NRXN3: variants seen among roughly 807,000 people sequenced by gnomAD.
The protein encoded by NRXN3 is neurexin III.
Under a neutral mutation model 137.6 loss-of-function variants are expected in NRXN3, and 32 were observed. That is an observed-to-expected ratio of 0.23 (90% confidence interval 0.18 to 0.31). The LOEUF (loss-of-function observed/expected upper bound fraction) is 0.31. Ranked by LOEUF, NRXN3 falls within the 10% of genes least tolerant of loss-of-function variation. The pLI is 1.00. For missense variants in NRXN3, 1,574 were observed against 2,062.5 expected (o/e 0.76, Z 4.59); for synonymous variants, 798 against 784.5 (o/e 1.02, Z -0.29).
rs528732601 is a variant in NRXN3 at position 79,062,694 on chromosome 14, T to C, written c.3262+74553T>C. 2.0e-5 allele frequency among the ~76,000 whole-genome samples: 3 copies of C among 152,366 alleles called. No homozygotes were observed. In the South Asian group the frequency reaches 6.2e-4, roughly 32 times the overall value. ...ACCTTCCTCCCTTTCCTATTAATTA[T>C]TCATACTTCTCCTACCAAGAGAGGG... On this transcript the variant is annotated intron_variant, in intron 15 of 20. Transcript: ENST00000335750.
At chr14:79,588,249 A>G (rs928418420) in intron 16 of NRXN3, among the ~76,000 whole-genome samples, 9 of 152,174 alleles carry the variant, frequency 5.9e-5, no homozygotes, top group African/African-American at 1.9e-4. Flanking sequence ...CCTGTGGTCT[A>G]TCTGACTACC....
intron 4 of NRXN3, among the ~76,000 whole-genome samples, chr14:78,390,123 C>T (rs925313166): frequency 3.3e-5 from 5 of 152,092 alleles, no homozygotes; most frequent in Admixed American, 1.3e-4. Flanking sequence ...AGATTAACAC[C>T]GGGTACGGCA....
At chr14:79,660,926 A>G (rs1241460530) in intron 16 of NRXN3, among the ~76,000 whole-genome samples, 1 of 152,136 alleles carries the variant, frequency 6.6e-6, no homozygotes, top group Non-Finnish European at 1.5e-5. Context: ...TCACATTATT[A>G]CAGCCTAGCT....
At chr14:79,702,479 T>C (rs926273434) in intron 19 of NRXN3, among the ~76,000 whole-genome samples, 3 of 151,980 alleles carry the variant, frequency 2.0e-5, no homozygotes, top group Non-Finnish European at 4.4e-5. Flanking sequence ...AGAGCACAAT[T>C]GGACAGGTGG....
intron 16 of NRXN3, among the ~76,000 whole-genome samples, chr14:79,621,071 G>T (rs1384712267): frequency 2.0e-5 from 3 of 152,038 alleles, no homozygotes; most frequent in Non-Finnish European, 2.9e-5. Context: ...AAATACTACA[G>T]GTAAACTAGT....
chr14:79,860,686 G>A (rs1430491098), intron 20 of NRXN3, among the ~76,000 whole-genome samples: 34 of 152,200 alleles, frequency 2.2e-4, no homozygotes, highest in Admixed American at 2.0e-3. Context: ...CAATGTGTGC[G>A]TGTACCCACA....
intron 4 of NRXN3, among the ~76,000 whole-genome samples, chr14:78,589,327 T>C (rs1015801188): frequency 6.6e-6 from 1 of 152,204 alleles, no homozygotes; most frequent in Non-Finnish European, 1.5e-5. Flanking sequence ...GCCTTCTCTC[T>C]GCAGGAGAGG....
chr14:78,919,891 T>C (rs2099266386), intron 10 of NRXN3, among the ~76,000 whole-genome samples: 1 of 152,214 alleles, frequency 6.6e-6, no homozygotes, highest in African/African-American at 2.4e-5. Flanking sequence ...TCAGTCACAG[T>C]GCTAAGCACG....
intron 10 of NRXN3, among the ~76,000 whole-genome samples, chr14:78,878,336 T>A (rs2099118798): frequency 6.6e-6 from 1 of 152,178 alleles, no homozygotes; most frequent in South Asian, 2.1e-4. Context: ...CTTCAGAGAA[T>A]CTTTCCACAT....
intron 15 of NRXN3, among the ~76,000 whole-genome samples, chr14:79,198,257 A>AT (rs1296274675): frequency 5.9e-5 from 9 of 152,178 alleles, no homozygotes; most frequent in African/African-American, 2.2e-4. Context: ...TTTAAAAGTT[A>AT]TTTTGACAGT....
chr14:79,280,070 G>C (rs980087536), intron 15 of NRXN3: 69 of 1,360,130 alleles, frequency 5.1e-5, no homozygotes, highest in Middle Eastern at 5.6e-4. Flanking sequence ...TTCAGCTCCG[G>C]GAAAGAGAAG....
chr14:79,861,968 T>C lies in NRXN3; in HGVS notation c.*4T>C, dbSNP rs1418282452. ...GGACAGGGAGTATTACGTGTAAACA[T>C]GCGAACACTGCTCACACGCGAGTTT... On this transcript the variant is annotated 3_prime_UTR_variant, in exon 21 of 21. Transcript: ENST00000335750. The surrounding 1 kb of genome is among the most constrained non-coding windows in gnomAD (Gnocchi z 5.4). 6.2e-7 allele frequency: 1 copy of C among 1,604,310 alleles called. No homozygotes were observed. The highest frequency in any genetic ancestry group is 1.1e-5 in the South Asian group (1 of 90,100).
In NRXN3 at chr14:79,808,248, A is replaced by AT. The variant is rs2099216925; in HGVS notation, c.4093+3058_4093+3059insT. ...TGAGACTCTCTCTCAATTAAAAAAA[A>AT]AAAAAAAATATATATATATATATAT... On this transcript the variant is annotated intron_variant, in intron 20 of 20. Coordinates refer to ENST00000335750, the MANE Select transcript of NRXN3 (RefSeq NM_001330195.2). Among the ~76,000 whole-genome samples the AT allele has an allele frequency of 3.0e-5, 4 of 134,216 alleles. No individual in the cohort carries two copies. The East Asian group carries it at 8.2e-4, about 28-fold the overall frequency. The allele number at this position is 134,216 out of a possible 152,430, so 88.1% of individuals were successfully genotyped here.
At chr14:78,708,797 T>C (rs563706356) in intron 6 of NRXN3, among the ~76,000 whole-genome samples, 1 of 152,360 alleles carries the variant, frequency 6.6e-6, no homozygotes, top group East Asian at 1.9e-4. Context: ...TTGCAAGGCC[T>C]GCCTAATATT....
chr14:79,857,665 C>T (rs2099405703), intron 20 of NRXN3, among the ~76,000 whole-genome samples: 2 of 152,134 alleles, frequency 1.3e-5, no homozygotes, highest in East Asian at 1.9e-4. Context: ...ATTAATTACA[C>T]CAACATATAC....
intron 16 of NRXN3, among the ~76,000 whole-genome samples, chr14:79,538,894 T>G (rs2097243128): frequency 6.6e-6 from 1 of 152,220 alleles, no homozygotes; most frequent in Non-Finnish European, 1.5e-5. Flanking sequence ...TCATTATTTC[T>G]AAGTCAAGCA....
At chr14:78,814,515 T>C (rs2098925450) in intron 10 of NRXN3, among the ~76,000 whole-genome samples, 1 of 152,174 alleles carries the variant, frequency 6.6e-6, no homozygotes, top group African/African-American at 2.4e-5. Flanking sequence ...CTCGGGAGGC[T>C]GAGGCAGGAG....
chr14:78,909,704 C>G lies in NRXN3; in HGVS notation c.2276-47538C>G, dbSNP rs73323334. The stretch of plus-strand genomic sequence containing the variant: ...ATTGATATGGTTAAATTCCCAGGAC[C>G]CTCAATTCTTTAGGGATAGACTAAA... On this transcript the variant is annotated intron_variant, in intron 10 of 20. Coordinates refer to ENST00000335750, the MANE Select transcript of NRXN3 (RefSeq NM_001330195.2). Among the ~76,000 whole-genome samples the G allele has an allele frequency of 2.6e-5, 4 of 152,064 alleles. No individual in the cohort carries two copies. In the East Asian group the frequency reaches 5.8e-4, roughly 22 times the overall value.
chr14:79,087,403 G>A (rs955053956), intron 15 of NRXN3, among the ~76,000 whole-genome samples: 3 of 152,118 alleles, frequency 2.0e-5, no homozygotes, highest in Non-Finnish European at 2.9e-5. Flanking sequence ...CGGCACAACA[G>A]ACAAGGAAGA....
Sources: gnomAD v4.1 joint callset for allele counts (sites outside exome capture counted in the v4.1 genomes callset) on GRCh38, gnomAD v4.1.1 for gene constraint, Gnocchi (gnomAD v3.1) non-coding constraint, MANE v1.5 for transcripts, NCBI Gene and HGNC (gene_info 2026-07-23, HGNC 2026-07-21) for gene names.